FER: variants seen among roughly 807,000 people sequenced by gnomAD.
The protein encoded by FER is tyrosine-protein kinase Fer.
In FER, 63 loss-of-function variants were observed where a neutral mutation model predicts 111.0. That is an observed-to-expected ratio of 0.57 (90% CI 0.46 to 0.70). FER has a LOEUF of 0.70. FER is among the 30% of genes least tolerant of loss of function. The pLI is 0.00. For missense variants in FER, 914 were observed against 954.0 expected, an observed-to-expected ratio of 0.96 and a Z score of 0.55; for synonymous variants, 327 against 313.9, an observed-to-expected ratio of 1.04 and a Z score of -0.44.
chr5:108,877,988 CT>C (rs745960307), intron 8 of FER, among the ~76,000 whole-genome samples: 19 of 152,068 alleles, frequency 1.2e-4, no homozygotes, highest in Non-Finnish European at 1.9e-4. Flanking sequence ...TCACTGCAGC[CT>C]CTGCCTCCCA....
intron 10 of FER, among the ~76,000 whole-genome samples, chr5:108,933,017 C>T (rs925079670): frequency 6.6e-5 from 10 of 151,972 alleles, no homozygotes; most frequent in African/African-American, 2.4e-4. Flanking sequence ...GGATAGATTG[C>T]AAAAATTTTC....
intron 17 of FER, among the ~76,000 whole-genome samples, chr5:109,148,030 G>GT (rs1310150926): frequency 6.6e-6 from 1 of 151,634 alleles, no homozygotes; most frequent in Non-Finnish European, 1.5e-5. Context: ...TGTTTAATAG[G>GT]TTTTTTTAAA....
chr5:109,059,594 C>T (rs1167242334), intron 16 of FER, among the ~76,000 whole-genome samples: 1 of 152,100 alleles, frequency 6.6e-6, no homozygotes, highest in Non-Finnish European at 1.5e-5. Flanking sequence ...TGCTTAGTTC[C>T]TCTCTCCCTC....
intron 5 of FER, among the ~76,000 whole-genome samples, chr5:108,845,655 T>C (rs1761961631): frequency 1.3e-5 from 2 of 152,160 alleles, no homozygotes; most frequent in African/African-American, 4.8e-5. Context: ...TCCAGTATGA[T>C]ATTGAATAGA....
At chr5:109,033,697 A>G (rs368220875) in intron 13 of FER, among the ~76,000 whole-genome samples, 10 of 152,180 alleles carry the variant, frequency 6.6e-5, no homozygotes, top group Admixed American at 2.0e-4. Flanking sequence ...TCTTTATCCA[A>G]TTTAACGGAT....
intron 12 of FER, 109 bp from the exon 13 acceptor site, chr5:108,959,116 T>G: frequency 9.3e-7 from 1 of 1,080,496 alleles, no homozygotes; most frequent in Non-Finnish European, 1.3e-6. Context: ...TATATTCACA[T>G]TGTTGTGCAA....
At chr5:108,996,208 G>A (rs1763959054) in intron 13 of FER, among the ~76,000 whole-genome samples, 1 of 152,100 alleles carries the variant, frequency 6.6e-6, no homozygotes, top group South Asian at 2.1e-4. Flanking sequence ...CCATTCTGTA[G>A]GTTGCGTGTT....
chr5:109,098,390 G>A (rs1747793391), intron 16 of FER, among the ~76,000 whole-genome samples: 1 of 151,710 alleles, frequency 6.6e-6, no homozygotes, highest in African/African-American at 2.4e-5. Flanking sequence ...TGGAAAAAAA[G>A]TATCAGGATT....
At chr5:108,776,006 T>C (rs942023062) in intron 2 of FER, among the ~76,000 whole-genome samples, 2 of 152,234 alleles carry the variant, frequency 1.3e-5, no homozygotes, top group Non-Finnish European at 2.9e-5. Context: ...GACTTCTAAC[T>C]GTCAGTATTG....
chr5:108,992,509 C>A (rs1212685206), intron 13 of FER, among the ~76,000 whole-genome samples: 6 of 127,232 alleles, frequency 4.7e-5, no homozygotes, highest in Non-Finnish European at 8.9e-5. Context: ...GGGGGGCTGA[C>A]CCCCCACCTC....
intron 17 of FER, among the ~76,000 whole-genome samples, chr5:109,124,587 T>TTTG (rs148987260): frequency 0.11 from 16,349 of 150,088 alleles, 922 homozygotes; most frequent in Non-Finnish European, 0.13. Context: ...TTTTAATAGT[T>TTTG]TTGTTGTTGT....
At chr5:109,172,657 T>A (rs952970786) in intron 17 of FER, among the ~76,000 whole-genome samples, 175 of 151,900 alleles carry the variant, frequency 1.2e-3, no homozygotes, top group African/African-American at 3.9e-3. Context: ...AGAAAAAAAT[T>A]TTTTATATGT....
intron 1 of FER, among the ~76,000 whole-genome samples, chr5:108,755,285 G>A (rs1750957933): frequency 6.6e-6 from 1 of 152,278 alleles, no homozygotes; most frequent in Non-Finnish European, 1.5e-5. Context: ...GTCCTTGGTC[G>A]CTGTAATGCT....
intron 10 of FER, among the ~76,000 whole-genome samples, chr5:108,931,987 A>T (rs1306624518): frequency 2.0e-5 from 3 of 150,556 alleles, no homozygotes; most frequent in Non-Finnish European, 4.4e-5. Context: ...TGTGTGTTTC[A>T]TTTTTTAAAA....
intron 17 of FER, among the ~76,000 whole-genome samples, chr5:109,168,069 C>G (rs1230356941): frequency 6.6e-6 from 1 of 152,136 alleles, no homozygotes; most frequent in Non-Finnish European, 1.5e-5. Context: ...GCTTTGGAAG[C>G]CTGCAAACCT....
intron 11 of FER, among the ~76,000 whole-genome samples, chr5:108,948,072 TAAAC>T (rs1757224960): frequency 6.6e-6 from 1 of 152,038 alleles, no homozygotes; most frequent in South Asian, 2.1e-4. Context: ...TTTATGCAAA[TAAAC>T]ATACAAAAAT....
intron 9 of FER, among the ~76,000 whole-genome samples, chr5:108,895,659 C>T (rs1037656401): frequency 3.3e-5 from 5 of 152,126 alleles, no homozygotes; most frequent in East Asian, 3.8e-4. Context: ...ACAGGATAAT[C>T]GGACATCTCA....
chr5:109,059,710 A>G (rs980637852), intron 16 of FER, among the ~76,000 whole-genome samples: 9 of 152,216 alleles, frequency 5.9e-5, no homozygotes, highest in East Asian at 3.8e-4. Context: ...TGAGGAAACC[A>G]GAACATTCAT....
At chr5:108,933,317 G>T (rs56134914) in intron 10 of FER, among the ~76,000 whole-genome samples, 28,426 of 152,060 alleles carry the variant, frequency 0.19, 2,992 homozygotes, top group African/African-American at 0.28. Flanking sequence ...CATATGGCTA[G>T]CCAGTTTTCC....
Sources: gnomAD v4.1 joint callset for allele counts (sites outside exome capture counted in the v4.1 genomes callset) on GRCh38, gnomAD v4.1.1 for gene constraint, MANE v1.5 for transcripts, NCBI Gene and HGNC (gene_info 2026-07-23, HGNC 2026-07-21) for gene names.